The following NNT variants were observed in gnomAD, a reference collection of about 807,000 sequenced individuals.
The protein encoded by NNT is NAD(P) transhydrogenase, mitochondrial.
NNT carries 50 observed loss-of-function variants against 104.8 expected under a neutral mutation model. The observed-to-expected ratio is 0.48, with a 90% confidence interval of 0.38 to 0.60. The LOEUF (loss-of-function observed/expected upper bound fraction) is 0.60. Among genes scored for constraint, NNT ranks in the 20% least tolerant of loss-of-function variants. NNT has a pLI of 0.00. For synonymous variants in NNT, 461 were observed against 490.4 expected, an observed-to-expected ratio of 0.94 and a Z score of 0.79; for missense variants, 1,131 against 1,330.7, an observed-to-expected ratio of 0.85 and a Z score of 2.33.
At chr5:43,651,563 G>C (rs1739767576) in intron 12 of NNT, among the ~76,000 whole-genome samples, 176 bp from the exon 13 acceptor site, 1 of 151,930 alleles carries the variant, frequency 6.6e-6, no homozygotes, top group Admixed American at 6.5e-5. Flanking sequence ...GGTCAACAGA[G>C]TGAGACTCCA....
At chr5:43,673,330 G>A (rs796190150) in intron 17 of NNT, among the ~76,000 whole-genome samples, 15 of 152,240 alleles carry the variant, frequency 9.9e-5, no homozygotes, top group African/African-American at 2.6e-4. Flanking sequence ...TGATGAACCC[G>A]GTACCTCAGT....
At chr5:43,664,814 A>G (rs762278776) in intron 17 of NNT, among the ~76,000 whole-genome samples, 80 of 152,250 alleles carry the variant, frequency 5.3e-4, no homozygotes, top group Non-Finnish European at 9.3e-4. Context: ...TGATGTTGCA[A>G]TGGTAAATTT....
chr5:43,686,824 T>C (rs1380201092), intron 19 of NNT, among the ~76,000 whole-genome samples: 1 of 152,150 alleles, frequency 6.6e-6, no homozygotes, highest in East Asian at 1.9e-4. Context: ...CTTAAATCCC[T>C]CAGTAGTCCT....
At chr5:43,648,916 C>T (rs909805536) in intron 10 of NNT, among the ~76,000 whole-genome samples, 1 of 152,166 alleles carries the variant, frequency 6.6e-6, no homozygotes, top group African/African-American at 2.4e-5. Context: ...ATAAATATTA[C>T]TAGATCTTTA....
intron 16 of NNT, among the ~76,000 whole-genome samples, chr5:43,657,086 G>A (rs1162363815): frequency 6.6e-6 from 1 of 152,160 alleles, no homozygotes; most frequent in Non-Finnish European, 1.5e-5. Flanking sequence ...CAATGTGTTG[G>A]TGAACAGGAG....
chr5:43,650,543 G>T lies in NNT; in HGVS notation c.1673G>T (p.Gly558Val), dbSNP rs777505064. Residue 558 changes from glycine (G) to valine (V), a missense_variant, in exon 12 of 22, where the codon GGC becomes GTC. By Grantham distance (109) the Gly-to-Val change is moderately radical (BLOSUM62 -3). Coordinates refer to ENST00000344920, the MANE Select transcript of NNT (RefSeq NM_182977.3). Reference sequence around the variant, plus strand: ...TTGTATCCTTCCACAACTTCTCAGGGCCTTGCTGCTCTTGCTGCATTCATA... The same window carrying T: ...TTGTATCCTTCCACAACTTCTCAGGTCCTTGCTGCTCTTGCTGCATTCATA... ...GHLYPSTTSQ[G>V]LAALAAFISS... The T allele has an allele frequency of 6.2e-7, 1 of 1,614,128 alleles. No individual in the cohort carries two copies. The highest frequency in any genetic ancestry group is 1.1e-5 in the South Asian group (1 of 91,082).
intron 19 of NNT, among the ~76,000 whole-genome samples, chr5:43,684,454 G>A (rs1050232648): frequency 3.3e-5 from 5 of 152,104 alleles, no homozygotes; most frequent in African/African-American, 1.2e-4. Context: ...TTTTAGAAAG[G>A]TAGGTGTTTA....
intron 19 of NNT, among the ~76,000 whole-genome samples, chr5:43,689,554 C>T (rs145600094): frequency 0.054 from 8,180 of 152,100 alleles, 288 homozygotes; most frequent in Middle Eastern, 0.12. Flanking sequence ...TGATCCATCT[C>T]GAGTTGATTT....
chr5:43,665,219 T>TTATTATTA (rs1168907596), intron 17 of NNT, among the ~76,000 whole-genome samples: 77 of 116,834 alleles, frequency 6.6e-4, no homozygotes, highest in African/African-American at 2.9e-3. Context: ...TATTTATTTA[T>TTATTATTA]TTATTATTAT....
chr5:43,655,600 T>TA (rs1227262868), intron 14 of NNT, among the ~76,000 whole-genome samples: 9 of 152,144 alleles, frequency 5.9e-5, no homozygotes, highest in African/African-American at 1.7e-4. Flanking sequence ...ATTCCAAAAT[T>TA]AAAAAAAATT....
chr5:43,667,016 T>C (rs1406975039), intron 17 of NNT: 9 of 1,596,520 alleles, frequency 5.6e-6, no homozygotes, highest in Non-Finnish European at 7.6e-6. Flanking sequence ...ACGAGGGCCT[T>C]GATAGCCTGG....
At chr5:43,648,041 T>C in intron 10 of NNT, 1 of 1,195,898 alleles carries the variant, frequency 8.4e-7, no homozygotes, top group Non-Finnish European at 1.1e-6. Flanking sequence ...CAAACCAGAC[T>C]GACTTAAGAA....
intron 4 of NNT, among the ~76,000 whole-genome samples, chr5:43,617,694 G>A (rs1749862823): frequency 1.3e-5 from 2 of 152,038 alleles, no homozygotes; most frequent in Admixed American, 1.3e-4. Context: ...CATTTCCTGT[G>A]TAATCTCCTT....
In NNT at chr5:43,705,146, C is replaced by G. The variant is rs1028424046; in HGVS notation, c.*742C>G. On this transcript the variant is annotated 3_prime_UTR_variant, in exon 22 of 22. Transcript: ENST00000344920. ...TTCTAATTGGAGATCTCTTTAATTTCGATCAACTTATAATGTGTAGTACTA... is the reference window on the plus strand; with the variant it reads ...TTCTAATTGGAGATCTCTTTAATTTGGATCAACTTATAATGTGTAGTACTA... 1 of 152,034 alleles carries G rather than the reference C, an allele frequency of 6.6e-6. No individual in the cohort carries two copies. The highest frequency in any genetic ancestry group is 2.4e-5 in the African/African-American group (1 of 41,404). 9.4% of individuals were successfully genotyped at this position (152,034 alleles called of 1,614,324 possible).
At chr5:43,612,220 T>C (rs1034595096) in intron 2 of NNT, among the ~76,000 whole-genome samples, 9 of 152,202 alleles carry the variant, frequency 5.9e-5, no homozygotes, top group African/African-American at 2.2e-4. Flanking sequence ...TTAAACTCCT[T>C]GAGAGAGAAC....
chr5:43,630,614 A>G (rs113383945), intron 7 of NNT, among the ~76,000 whole-genome samples: 4,209 of 152,356 alleles, frequency 0.028, 95 homozygotes, highest in Middle Eastern at 0.065. Context: ...ATCTCCTTCT[A>G]AAGAGTATTT....
Position 43,704,581 on chromosome 5 carries a change from C to T in NNT, c.*177C>T. On this transcript the variant is annotated 3_prime_UTR_variant, in exon 22 of 22. Coordinates refer to ENST00000344920, the MANE Select transcript of NNT (RefSeq NM_182977.3). Reference sequence around the variant, plus strand: ...AGATTTTTCAAAAGCAGTAATCCCTCAATTTTAAAAAAGGATTGAAAATTC... The same window carrying T: ...AGATTTTTCAAAAGCAGTAATCCCTTAATTTTAAAAAAGGATTGAAAATTC... The T allele has an allele frequency of 1.9e-6, 1 of 516,834 alleles. No individual in the cohort carries two copies. Among genetic ancestry groups the T allele is most frequent in the Admixed American group, 3.9e-5 (1 of 25,766 alleles). 32.0% of individuals were successfully genotyped at this position (516,834 alleles called of 1,614,324 possible).
chr5:43,656,824 A>G lies in NNT; in HGVS notation c.2454+11A>G. 1 of 1,604,336 alleles carries G rather than the reference A, an allele frequency of 6.2e-7. No individual in the cohort carries two copies. Among genetic ancestry groups the G allele is most frequent in the Non-Finnish European group, 8.5e-7 (1 of 1,176,690 alleles). On this transcript the variant is annotated intron_variant, in intron 16 of 21. Coordinates refer to ENST00000344920, the MANE Select transcript of NNT (RefSeq NM_182977.3). Reference sequence around the variant, plus strand: ...CTCTCTGCTGTCATGGTAAGAAGTCAGAGATTGAAAAGTACATATTTGGTG... The same window carrying G: ...CTCTCTGCTGTCATGGTAAGAAGTCGGAGATTGAAAAGTACATATTTGGTG...
intron 1 of NNT, among the ~76,000 whole-genome samples, chr5:43,606,177 G>A (rs556425376): frequency 2.0e-5 from 3 of 152,268 alleles, no homozygotes; most frequent in African/African-American, 7.2e-5. Context: ...TGCTGATGAG[G>A]TCTGGGAACT....
Sources: gnomAD v4.1 joint callset for allele counts (sites outside exome capture counted in the v4.1 genomes callset) on GRCh38, gnomAD v4.1.1 for gene constraint, MANE v1.5 for transcripts, NCBI Gene and HGNC (gene_info 2026-07-23, HGNC 2026-07-21) for gene names.